ZIC2: variants seen among roughly 807,000 people sequenced by gnomAD.
ZIC2 encodes zinc finger protein ZIC 2.
Under a neutral mutation model 29.5 loss-of-function variants are expected in ZIC2, and 7 were observed. The ratio of observed to expected loss-of-function variants is 0.24; its 90% CI spans 0.14 to 0.45. The LOEUF is 0.45. Among genes scored for constraint, ZIC2 ranks in the 20% least tolerant of loss-of-function variants. The pLI is 1.00. For missense variants in ZIC2, 589 were observed against 781.2 expected (o/e 0.75, Z 2.93); for synonymous variants, 408 against 354.2 (o/e 1.15, Z -1.70).
chr13:99,986,029 T>G lies in ZIC2; in HGVS notation c.*347T>G, dbSNP rs766224000. 7.9e-5 allele frequency: 36 copies of G among 455,910 alleles called. No individual in the cohort carries two copies. Among genetic ancestry groups the G allele is most frequent in the Non-Finnish European group, 2.2e-5 (5 of 226,940 alleles). 28.2% of individuals were successfully genotyped at this position (455,910 alleles called of 1,614,324 possible). On this transcript the variant is annotated 3_prime_UTR_variant, in exon 3 of 3. Coordinates refer to ENST00000376335, the MANE Select transcript of ZIC2 (RefSeq NM_007129.5). Reference sequence around the variant, plus strand: ...CTGTTCCCAGTCTTCTGACAAACTGTGTACATAGCGGACTCCTCCTTTCTC... The same window carrying G: ...CTGTTCCCAGTCTTCTGACAAACTGGGTACATAGCGGACTCCTCCTTTCTC...
rs1348501447 is a variant in ZIC2 at position 99,983,232 on chromosome 13, C to T, written c.1075+93C>T. On this transcript the variant is annotated intron_variant, in intron 1 of 2. Transcript: ENST00000376335. The surrounding 1 kb of genome is among the most constrained non-coding windows in gnomAD (Gnocchi z 4.7). ...GGGTGCCGACGCTGGGCGCAGACCG[C>T]CAGCCGGGGACCTGGGATGGGAGGT... is the stretch of plus-strand genomic sequence containing the variant. 1 of 1,514,864 alleles carries T rather than the reference C, an allele frequency of 6.6e-7. No individual in the cohort carries two copies. The highest frequency in any genetic ancestry group is 1.4e-5 in the African/African-American group (1 of 71,530). 93.8% of individuals were successfully genotyped at this position (1,514,864 alleles called of 1,614,324 possible).
rs554801676 is a variant in ZIC2, at chr13:99,982,616, C to G, written c.552C>G (p.Pro184=). 8 of 1,590,018 alleles carry G rather than the reference C, an allele frequency of 5.0e-6. No individual in the cohort carries two copies. The South Asian group carries it at 5.6e-5, about 11-fold the overall frequency. ...ACGGGCAGATGCGCCTCGGGCTGCC[C>G]GGCGAGGTGTTCGGGCGCTCGGAGC... ...VLNGQMRLGL[P]GEVFGRSEQY... is the part of the protein sequence containing the mutation. Residue 184 remains proline (P), a synonymous_variant, in exon 1 of 3, where the codon CCC becomes CCG. Transcript: ENST00000376335.
chr13:99,982,013 TCGAGGCGGCGCGGAG>T lies in ZIC2; in HGVS notation c.-51_-37del. On this transcript the variant is annotated 5_prime_UTR_variant, in exon 1 of 3. Transcript: ENST00000376335. ...GCACCGCGCGGATCGGGAGCGGGAGTCGAGGCGGCGCGGAGGCGCAGGGCTCGCAGGGGCGGGCGG... is the reference window on the plus strand; with the variant it reads ...GCACCGCGCGGATCGGGAGCGGGAGTGCGCAGGGCTCGCAGGGGCGGGCGG... 8.3e-7 allele frequency: 1 copy of T among 1,209,806 alleles called. No homozygotes were observed. The highest frequency in any genetic ancestry group is 1.0e-6 in the Non-Finnish European group (1 of 976,064). 74.9% of individuals were successfully genotyped at this position (1,209,806 alleles called of 1,614,324 possible). A position where few individuals can be genotyped will look rare whatever the true frequency, so the allele number is the denominator to read the frequency against.
chr13:99,985,750 C>CGGG lies in ZIC2; in HGVS notation c.*69_*70insGGG. ...CAGCAGCCCTCCCCGCAGCTAGCAG[C>CGGG]GAGGGCACCTTGTGATCATGTTGTT... On this transcript the variant is annotated 3_prime_UTR_variant, in exon 3 of 3. Coordinates refer to ENST00000376335, the MANE Select transcript of ZIC2 (RefSeq NM_007129.5). This position sits in a 1 kb window ranked among gnomAD's most constrained non-coding sequence, Gnocchi z 6.3. 1.1e-6 allele frequency: 1 copy of CGGG among 920,448 alleles called. No individual in the cohort carries two copies. Among genetic ancestry groups the CGGG allele is most frequent in the Non-Finnish European group, 1.5e-6 (1 of 688,022 alleles). The allele number at this position is 920,448 out of a possible 1,614,324, so 57.0% of individuals were successfully genotyped here.
Position 99,983,212 on chromosome 13 carries a change from C to G in ZIC2, c.1075+73C>G. 1 of 1,555,030 alleles carries G rather than the reference C, an allele frequency of 6.4e-7. No homozygotes were observed. The highest frequency in any genetic ancestry group is 1.2e-5 in the South Asian group (1 of 84,388). ...CAGGCTGAGACTCAGGCTGTGGGTG[C>G]CGACGCTGGGCGCAGACCGCCAGCC... On this transcript the variant is annotated intron_variant, in intron 1 of 2. Transcript: ENST00000376335. This position sits in a 1 kb window ranked among gnomAD's most constrained non-coding sequence, Gnocchi z 4.7.
In ZIC2 at chr13:99,986,342, C is replaced by A. The variant is rs1356432118; in HGVS notation, c.*660C>A. 3.7e-6 allele frequency: 1 copy of A among 267,322 alleles called. No homozygotes were observed. The highest frequency in any genetic ancestry group is 7.3e-6 in the Non-Finnish European group (1 of 136,286). The allele number at this position is 267,322 out of a possible 1,614,324, so 16.6% of individuals were successfully genotyped here. On this transcript the variant is annotated 3_prime_UTR_variant, in exon 3 of 3. Transcript: ENST00000376335. ...CCGTGCCAAAGTCTCCCTTCTGTTT[C>A]TTCAGCACATTGACCCATAGCACAC...
chr13:99,984,501 A>G (rs2053253093), intron 1 of ZIC2: 1 of 247,690 alleles, frequency 4.0e-6, no homozygotes, highest in South Asian at 5.0e-5. Flanking sequence ...CCCAAACAAC[A>G]CGTAGCAACT....
Position 99,982,568 on chromosome 13 carries a change from G to A in ZIC2, c.504G>A (p.Pro168=). Residue 168 remains proline, a synonymous_variant, in exon 1 of 3, where the codon CCG becomes CCA. Transcript: ENST00000376335. ...CGGGCCTGCCAGAGCAGCACGGGCC[G>A]CACGGCTCGCAGAATGTGCTCAACG... ...LFPGLPEQHG[P]HGSQNVLNGQ... The A allele has an allele frequency of 6.4e-7, 1 of 1,559,356 alleles. No individual in the cohort carries two copies.
rs1322744803 is a variant in ZIC2 at position 99,981,994 on chromosome 13, C to G, written c.-71C>G. ...AGCCCGGTGGCCGCCGGACGCACCG[C>G]GCGGATCGGGAGCGGGAGTCGAGGC... is the stretch of plus-strand genomic sequence containing the variant. On this transcript the variant is annotated 5_prime_UTR_variant, in exon 1 of 3. Coordinates refer to ENST00000376335, the MANE Select transcript of ZIC2 (RefSeq NM_007129.5). 1.7e-6 allele frequency: 2 copies of G among 1,203,570 alleles called. No individual in the cohort carries two copies. Among genetic ancestry groups the G allele is most frequent in the Admixed American group, 4.5e-5 (1 of 22,356 alleles). 74.6% of individuals were successfully genotyped at this position (1,203,570 alleles called of 1,614,324 possible). A position where few individuals can be genotyped will look rare whatever the true frequency, so the allele number is the denominator to read the frequency against.
chr13:99,984,096 A>G (rs1391058598), intron 1 of ZIC2, among the ~76,000 whole-genome samples: 1 of 152,236 alleles, frequency 6.6e-6, no homozygotes, highest in Non-Finnish European at 1.5e-5. Flanking sequence ...TTTGCATGAA[A>G]TGCTCGCTTT....
chr13:99,985,147 C>G lies in ZIC2; in HGVS notation c.1239+38C>G, dbSNP rs957726544. On this transcript the variant is annotated intron_variant, in intron 2 of 2. Coordinates refer to ENST00000376335, the MANE Select transcript of ZIC2 (RefSeq NM_007129.5). This position sits in a 1 kb window ranked among gnomAD's most constrained non-coding sequence, Gnocchi z 6.3. ...CGGCCGGGAGGAGGGCGAGGCAGGC[C>G]GAGGCGCCGGTGCAGCACTGGCCCG... The G allele has an allele frequency of 3.1e-6, 5 of 1,613,302 alleles. No homozygotes were observed. In the African/African-American group the frequency reaches 6.7e-5, roughly 22 times the overall value.
rs557978516 is a variant in ZIC2 at position 99,986,009 on chromosome 13, C to G, written c.*327C>G. The G allele has an allele frequency of 2.2e-5, 10 of 455,240 alleles. No individual in the cohort carries two copies. Among genetic ancestry groups the G allele is most frequent in the African/African-American group, 2.0e-4 (10 of 50,170 alleles). 28.2% of individuals were successfully genotyped at this position (455,240 alleles called of 1,614,324 possible). A position where few individuals can be genotyped will look rare whatever the true frequency, so the allele number is the denominator to read the frequency against. On this transcript the variant is annotated 3_prime_UTR_variant, in exon 3 of 3. Transcript: ENST00000376335. ...TGCCCACGTTCTTTCCCACCCTGTT[C>G]CCAGTCTTCTGACAAACTGTGTACA...
In ZIC2 at chr13:99,985,621, GCAGCGGGACAGCCGGGGGTCA is replaced by G. The variant is rs753845480; in HGVS notation, c.1545_1565del (p.Thr516_Gly522del). The G allele has an allele frequency of 8.4e-7, 1 of 1,195,544 alleles. No individual in the cohort carries two copies. The highest frequency in any genetic ancestry group is 3.1e-5 in the Admixed American group (1 of 32,284). 74.1% of individuals were successfully genotyped at this position (1,195,544 alleles called of 1,614,324 possible). A position where few individuals can be genotyped will look rare whatever the true frequency, so the allele number is the denominator to read the frequency against. The stretch of plus-strand genomic sequence containing the variant: ...GGGGGCGGCGGCAGCTCTGGCGGGG[GCAGCGGGACAGCCGGGGGTCA>G]CAGCGGCCTCTCCTCCAACTTCAAT... On this transcript the variant is annotated inframe_deletion, in exon 3 of 3. Transcript: ENST00000376335. This position sits in a 1 kb window ranked among gnomAD's most constrained non-coding sequence, Gnocchi z 6.3.
chr13:99,985,604 C>T lies in ZIC2; in HGVS notation c.1521C>T (p.Gly507=), dbSNP rs761271585. Residue 507 remains glycine, a synonymous_variant, in exon 3 of 3, where the codon GGC becomes GGT. Coordinates refer to ENST00000376335, the MANE Select transcript of ZIC2 (RefSeq NM_007129.5). The surrounding 1 kb of genome is among the most constrained non-coding windows in gnomAD (Gnocchi z 6.3). ...GCGGCGGGGCGGGCGGCGGGGGCGG[C>T]GGCAGCTCTGGCGGGGGCAGCGGGA... is the stretch of plus-strand genomic sequence containing the variant. The part of the protein sequence containing the change: ...GGGGGAGGGG[G]GSSGGGSGTA... 40 of 1,020,464 alleles carry T rather than the reference C, an allele frequency of 3.9e-5. No individual in the cohort carries two copies. The highest frequency in any genetic ancestry group is 5.2e-5 in the Admixed American group (1 of 19,076). 63.2% of individuals were successfully genotyped at this position (1,020,464 alleles called of 1,614,324 possible).
intron 1 of ZIC2, chr13:99,984,473 A>G (rs1239502111): frequency 4.6e-6 from 1 of 215,644 alleles, no homozygotes; most frequent in Non-Finnish European, 9.4e-6. Context: ...TGGCTCAGTC[A>G]CTCTCCACAG....
In ZIC2 at chr13:99,985,787, T is replaced by C; in HGVS notation, c.*105T>C. 1.7e-6 allele frequency: 1 copy of C among 599,646 alleles called. No homozygotes were observed. Among genetic ancestry groups the C allele is most frequent in the South Asian group, 3.1e-5 (1 of 31,778 alleles). 37.1% of individuals were successfully genotyped at this position (599,646 alleles called of 1,614,324 possible). The stretch of plus-strand genomic sequence containing the variant: ...GTGATCATGTTGTTAAAATTATGAA[T>C]CTGATTTTTATGATGATGAAAATTT... On this transcript the variant is annotated 3_prime_UTR_variant, in exon 3 of 3. Coordinates refer to ENST00000376335, the MANE Select transcript of ZIC2 (RefSeq NM_007129.5). This position sits in a 1 kb window ranked among gnomAD's most constrained non-coding sequence, Gnocchi z 6.3.
chr13:99,982,063 C>T lies in ZIC2; in HGVS notation c.-2C>T, dbSNP rs1368265978. On this transcript the variant is annotated 5_prime_UTR_variant, in exon 1 of 3. Coordinates refer to ENST00000376335, the MANE Select transcript of ZIC2 (RefSeq NM_007129.5). ...TCGCAGGGGCGGGCGGGCGCGCTGG[C>T]CATGCTCCTGGACGCGGGTCCGCAG... The T allele has an allele frequency of 3.2e-6, 4 of 1,238,230 alleles. No homozygotes were observed. The highest frequency in any genetic ancestry group is 1.6e-5 in the African/African-American group (1 of 63,692). 76.7% of individuals were successfully genotyped at this position (1,238,230 alleles called of 1,614,324 possible). A position where few individuals can be genotyped will look rare whatever the true frequency, so the allele number is the denominator to read the frequency against.
At position 99,982,528 on chromosome 13, in the gene ZIC2, G is replaced by A; in HGVS notation, c.464G>A (p.Gly155Asp). The change falls in exon 1 of 3, where the codon GGC becomes GAC. Residue 155 changes from glycine (G) to aspartate (D), a missense_variant. Coordinates refer to ENST00000376335, the MANE Select transcript of ZIC2 (RefSeq NM_007129.5). ...CACCACGCGCACTCGGACGCGCAGG[G>A]CCACCTCCTCTTCCCGGGCCTGCCA... The part of the protein sequence containing the change: ...GLHHAHSDAQ[G>D]HLLFPGLPEQ... 3 of 1,531,848 alleles carry A rather than the reference G, an allele frequency of 2.0e-6. No homozygotes were observed. The highest frequency in any genetic ancestry group is 1.2e-5 in the South Asian group (1 of 81,310). The allele number at this position is 1,531,848 out of a possible 1,614,324, so 94.9% of individuals were successfully genotyped here. A position where few individuals can be genotyped will look rare whatever the true frequency, so the allele number is the denominator to read the frequency against.
chr13:99,985,088 C>T lies in ZIC2; in HGVS notation c.1218C>T (p.Ser406=). The T allele has an allele frequency of 6.2e-7, 1 of 1,614,136 alleles. No individual in the cohort carries two copies. The highest frequency in any genetic ancestry group is 1.7e-5 in the Admixed American group (1 of 60,028). The stretch of plus-strand genomic sequence containing the variant: ...GCGACAAGTCCTACACGCACCCCAG[C>T]TCGCTGCGGAAGCACATGAAGGTAC... ...KMCDKSYTHP[S]SLRKHMKVHE... Residue 406 remains serine, a synonymous_variant, in exon 2 of 3, where the codon AGC becomes AGT. Transcript: ENST00000376335. This position sits in a 1 kb window ranked among gnomAD's most constrained non-coding sequence, Gnocchi z 6.3.
Sources: allele counts gnomAD v4.1 joint callset (sites outside exome capture counted in the v4.1 genomes callset), GRCh38; gene constraint gnomAD v4.1.1; non-coding constraint Gnocchi (gnomAD v3.1); transcripts MANE v1.5; gene names NCBI Gene and HGNC (gene_info 2026-07-23, HGNC 2026-07-21).